KCNIP4: variants seen among roughly 807,000 people sequenced by gnomAD.
The protein encoded by KCNIP4 is Kv channel-interacting protein 4.
In KCNIP4, 12 loss-of-function variants were observed where a neutral mutation model predicts 34.0. That is an observed-to-expected ratio of 0.35 (90% confidence interval 0.23 to 0.57). The LOEUF (loss-of-function observed/expected upper bound fraction) is 0.57. Among genes scored for constraint, KCNIP4 ranks in the 20% least tolerant of loss-of-function variants. KCNIP4 has a pLI of 0.83. For missense variants in KCNIP4, 238 were observed against 311.7 expected, an observed-to-expected ratio of 0.76 and a Z score of 1.78; for synonymous variants, 124 against 102.2, an observed-to-expected ratio of 1.21 and a Z score of -1.29.
At chr4:21,509,780 A>G (rs1444324582) in intron 1 of KCNIP4, among the ~76,000 whole-genome samples, 1 of 152,028 alleles carries the variant, frequency 6.6e-6, no homozygotes, top group Non-Finnish European at 1.5e-5. Flanking sequence ...ACAATTATTT[A>G]TTTCCATTGC....
chr4:20,900,786 A>G (rs1290895321), intron 1 of KCNIP4, among the ~76,000 whole-genome samples: 2 of 152,132 alleles, frequency 1.3e-5, no homozygotes, highest in Non-Finnish European at 2.9e-5. Flanking sequence ...CAGTGTTGTT[A>G]AAACACTCAC....
intron 1 of KCNIP4, among the ~76,000 whole-genome samples, chr4:21,381,982 C>G (rs536636034): frequency 1.3e-5 from 2 of 152,176 alleles, no homozygotes; most frequent in African/African-American, 4.8e-5. Context: ...GCAAAAGAGA[C>G]AGGAGCTACA....
intron 1 of KCNIP4, among the ~76,000 whole-genome samples, chr4:21,098,486 A>G (rs1233097277): frequency 1.3e-5 from 2 of 152,172 alleles, no homozygotes; most frequent in Non-Finnish European, 2.9e-5. Flanking sequence ...CATTTGAGAA[A>G]TCCTAGTGTC....
At chr4:21,064,662 C>A (rs563500514) in intron 1 of KCNIP4, among the ~76,000 whole-genome samples, 1 of 152,036 alleles carries the variant, frequency 6.6e-6, no homozygotes, top group African/African-American at 2.4e-5. Context: ...TAAATAAGTG[C>A]TCAATAATTG....
intron 1 of KCNIP4, among the ~76,000 whole-genome samples, chr4:21,321,974 T>G (rs1332098898): frequency 8.5e-4 from 61 of 72,096 alleles, no homozygotes; most frequent in South Asian, 1.9e-3. Context: ...GAAAGAGAAA[T>G]GGTGGAAGGG....
intron 1 of KCNIP4, among the ~76,000 whole-genome samples, chr4:20,956,236 C>T (rs1733289235): frequency 6.6e-6 from 1 of 152,162 alleles, no homozygotes; most frequent in Admixed American, 6.5e-5. Context: ...TATAAAAATG[C>T]ATAATGTTTT....
intron 1 of KCNIP4, among the ~76,000 whole-genome samples, chr4:21,528,686 A>G (rs1369183798): frequency 4.7e-4 from 1 of 2,110 alleles, no homozygotes; most frequent in African/African-American, 1.8e-3. Context: ...AAAGAAAGAA[A>G]GAAAGAAAGA....
intron 1 of KCNIP4, among the ~76,000 whole-genome samples, chr4:21,197,095 T>C (rs2109363411): frequency 6.6e-6 from 1 of 152,354 alleles, no homozygotes; most frequent in Non-Finnish European, 1.5e-5. Context: ...AACAGAGATG[T>C]ATTTTTTTAA....
chr4:20,864,264 G>GTATGTACACATATGTATGCATA (rs900714884), intron 2 of KCNIP4, among the ~76,000 whole-genome samples: 4 of 150,636 alleles, frequency 2.7e-5, no homozygotes, highest in Non-Finnish European at 4.4e-5. Flanking sequence ...GCACACATAT[G>GTATGTACACATATGTATGCATA]TATGTACACA....
chr4:20,747,738 G>C (rs11726872), intron 5 of KCNIP4, among the ~76,000 whole-genome samples: 9,359 of 152,078 alleles, frequency 0.062, 434 homozygotes, highest in Middle Eastern at 0.13. Context: ...CAGAATCTTC[G>C]CAGTTGTGGT....
rs138497246 is a variant in KCNIP4, at chr4:20,750,359, G to T, written c.359-627C>A. Among the ~76,000 whole-genome samples, 6 of 152,296 alleles carry T rather than the reference G, an allele frequency of 3.9e-5. No individual in the cohort carries two copies. The East Asian group carries it at 1.2e-3, about 29-fold the overall frequency. ...GTTGGCTGATGGATTGGGGTCATTG[G>T]TGACTTGGGAAGTTTCTGTGGCTGT... On this transcript the variant is annotated intron_variant, in intron 4 of 8. Coordinates refer to ENST00000382152, the MANE Select transcript of KCNIP4 (RefSeq NM_025221.6).
chr4:21,664,635 G>A (rs777089098), intron 1 of KCNIP4, among the ~76,000 whole-genome samples: 8 of 152,072 alleles, frequency 5.3e-5, no homozygotes, highest in Non-Finnish European at 1.2e-4. Flanking sequence ...TGTTGTTTAT[G>A]ATCTAGGTGG....
At chr4:20,999,427 GTTTGTTTTTTGTT>G (rs1737880269) in intron 1 of KCNIP4, among the ~76,000 whole-genome samples, 9 of 27,754 alleles carry the variant, frequency 3.2e-4, no homozygotes, top group South Asian at 1.7e-3. Context: ...TTTTTTTTTT[GTTTGTTTTTTGTT>G]TTTTTTTTTT....
chr4:21,400,324 G>A (rs1406453663), intron 1 of KCNIP4, among the ~76,000 whole-genome samples: 2 of 149,224 alleles, frequency 1.3e-5, no homozygotes, highest in Non-Finnish European at 2.9e-5. Flanking sequence ...TGATGGATTA[G>A]TATGGATGGT....
chr4:20,802,709 AC>A, intron 3 of KCNIP4, among the ~76,000 whole-genome samples: 1 of 152,210 alleles, frequency 6.6e-6, no homozygotes, highest in Non-Finnish European at 1.5e-5. Context: ...TTAACAAAAA[AC>A]GTTGTTGTGG....
intron 1 of KCNIP4, among the ~76,000 whole-genome samples, chr4:21,882,742 T>C (rs1032819935): frequency 2.0e-5 from 3 of 152,008 alleles, no homozygotes; most frequent in Non-Finnish European, 4.4e-5. Context: ...TTCAGGAAGC[T>C]TGGGCTTCAT....
At position 21,532,502 on chromosome 4, in the gene KCNIP4, A is replaced by C. The variant is rs544071512; in HGVS notation, c.61+416069T>G. Among the ~76,000 whole-genome samples, 10 of 152,330 alleles carry C rather than the reference A, an allele frequency of 6.6e-5. No individual in the cohort carries two copies. The South Asian group carries it at 1.7e-3, about 25-fold the overall frequency. On this transcript the variant is annotated intron_variant, in intron 1 of 8. Coordinates refer to ENST00000382152, the MANE Select transcript of KCNIP4 (RefSeq NM_025221.6). ...CCATTGTTGTGCATGCTGAAAGACC[A>C]CAGTGGGAAGCACACAGGCAGAGGG...
At chr4:21,258,422 C>T (rs148764005) in intron 1 of KCNIP4, among the ~76,000 whole-genome samples, 13 of 152,248 alleles carry the variant, frequency 8.5e-5, no homozygotes, top group East Asian at 5.8e-4. Context: ...CAGAATACTA[C>T]GTGACCCCGA....
intron 1 of KCNIP4, among the ~76,000 whole-genome samples, chr4:21,120,308 G>A (rs1463946303): frequency 1.3e-5 from 2 of 152,214 alleles, no homozygotes; most frequent in African/African-American, 4.8e-5. Flanking sequence ...TGTTTTCTCA[G>A]TTCTGGAAGC....
Sources: gnomAD v4.1 joint callset for allele counts (sites outside exome capture counted in the v4.1 genomes callset) on GRCh38, gnomAD v4.1.1 for gene constraint, MANE v1.5 for transcripts, NCBI Gene and HGNC (gene_info 2026-07-23, HGNC 2026-07-21) for gene names.